Variants in SPECC1 observed in about 807,000 individuals in gnomAD.
SPECC1 encodes the protein cytospin-B.
A neutral mutation model predicts 104.1 loss-of-function variants in SPECC1; 62 were observed. That is an observed-to-expected ratio of 0.60 (90% CI 0.49 to 0.74). The LOEUF is 0.74. Among genes scored for constraint, SPECC1 ranks in the 30% least tolerant of loss-of-function variants. The pLI, the probability that SPECC1 is intolerant of heterozygous loss-of-function variation, is 0.00. For missense variants in SPECC1, 1,306 were observed against 1,310.5 expected, an observed-to-expected ratio of 1.00 and a Z score of 0.05; for synonymous variants, 513 against 501.6, an observed-to-expected ratio of 1.02 and a Z score of -0.30.
rs900883221 is a variant in SPECC1, at chr17:20,101,237, C to A, written c.147+4439C>A. On this transcript the variant is annotated intron_variant, in intron 2 of 14. Transcript: ENST00000395527. ...CTGGTTCTAGATCCTTGAGGAATCA[C>A]CACACTGTCTTCCACAATGGTTGAA... Among the ~76,000 whole-genome samples, 5 of 152,190 alleles carry A rather than the reference C, an allele frequency of 3.3e-5. 1 individual carries two copies. The highest frequency in any genetic ancestry group is 3.3e-4 in the Admixed American group (5 of 15,278).
rs1237791731 is a variant in SPECC1 at position 20,077,977 on chromosome 17, A to AAC, written c.-21-18641_-21-18640dup. Reference sequence around the variant, plus strand: ...AGTGAGGAAACAAAAGCTAAATTAAAACACACACACACACTGAAAAAGTAT... The same window carrying AAC: ...AGTGAGGAAACAAAAGCTAAATTAAAACACACACACACACACTGAAAAAGTAT... On this transcript the variant is annotated intron_variant, in intron 1 of 14. Coordinates refer to ENST00000395527, the MANE Select transcript of SPECC1 (RefSeq NM_001243439.2). Among the ~76,000 whole-genome samples the AAC allele has an allele frequency of 5.3e-5, 8 of 151,900 alleles. No homozygotes were observed. The East Asian group carries it at 5.8e-4, about 11-fold the overall frequency.
At chr17:20,303,962 A>T (rs1215697930) in intron 13 of SPECC1, among the ~76,000 whole-genome samples, 1 of 151,318 alleles carries the variant, frequency 6.6e-6, no homozygotes, top group Non-Finnish European at 1.5e-5. Flanking sequence ...CAAAAAAAAA[A>T]TTAAGAAATT....
chr17:20,190,394 G>GCTGCC (rs2035583293), intron 3 of SPECC1, among the ~76,000 whole-genome samples: 1 of 151,148 alleles, frequency 6.6e-6, no homozygotes, highest in Admixed American at 6.6e-5. Flanking sequence ...AAGCAAGACT[G>GCTGCC]CTGCTGCCCT....
At chr17:20,076,730 A>G (rs1404224115) in intron 1 of SPECC1, among the ~76,000 whole-genome samples, 1 of 152,162 alleles carries the variant, frequency 6.6e-6, no homozygotes, top group East Asian at 1.9e-4. Context: ...GGGCATGACC[A>G]TTTTAATGGT....
Position 20,317,284 on chromosome 17 carries a change from A to ATTTTTTTT in SPECC1, c.*3219_*3220insTTTTTTTT. On this transcript the variant is annotated 3_prime_UTR_variant, in exon 15 of 15. Transcript: ENST00000395527. ...ATTTTTTTTTTTTTTTTTTTTTGAG[A>ATTTTTTTT]GAGCGTCTCACTTCTCTGTCACCCA... The ATTTTTTTT allele has an allele frequency of 6.2e-5, 1 of 16,102 alleles. No homozygotes were observed. The highest frequency in any genetic ancestry group is 1.6e-3 in the African/African-American group (1 of 624). 1.0% of individuals were successfully genotyped at this position (16,102 alleles called of 1,614,324 possible).
At chr17:20,239,118 G>T in intron 7 of SPECC1, 1 of 1,020,476 alleles carries the variant, frequency 9.8e-7, no homozygotes, top group African/African-American at 1.9e-5. Flanking sequence ...TGCTAATTTT[G>T]CATAAATTTT....
At position 20,096,582 on chromosome 17, in the gene SPECC1, A is replaced by G. The variant is rs983053580; in HGVS notation, c.-21-49A>G. 4.5e-6 allele frequency: 7 copies of G among 1,552,032 alleles called. No homozygotes were observed. In the African/African-American group the frequency reaches 9.6e-5, roughly 21 times the overall value. Reference sequence around the variant, plus strand: ...GGTGTAAAGTGTGATGATGTCATGCAGCAGGTTCAAGTGATGGAGACATGT... The same window carrying G: ...GGTGTAAAGTGTGATGATGTCATGCGGCAGGTTCAAGTGATGGAGACATGT... On this transcript the variant is annotated intron_variant, in intron 1 of 14. Coordinates refer to ENST00000395527, the MANE Select transcript of SPECC1 (RefSeq NM_001243439.2).
chr17:20,154,148 CATTT>C (rs769881475), intron 3 of SPECC1, among the ~76,000 whole-genome samples: 16 of 152,314 alleles, frequency 1.1e-4, no homozygotes, highest in Non-Finnish European at 1.9e-4. Flanking sequence ...TTGGTTCATT[CATTT>C]GTTTTCATTC....
chr17:20,194,654 C>T (rs530846467), intron 3 of SPECC1, among the ~76,000 whole-genome samples: 6 of 151,406 alleles, frequency 4.0e-5, no homozygotes, highest in South Asian at 4.2e-4. Flanking sequence ...CTACAGGTGG[C>T]GCCACCACGC....
rs148424080 is a variant in SPECC1, at chr17:20,093,951, GA to G, written c.-21-2678del. ...TCACCATGTTGCCCAGGCTGGTCTC[GA>G]ACTCCTGAGCACAGGCAGTCCATCC... On this transcript the variant is annotated intron_variant, in intron 1 of 14. Coordinates refer to ENST00000395527, the MANE Select transcript of SPECC1 (RefSeq NM_001243439.2). Among the ~76,000 whole-genome samples, 622 of 151,750 alleles carry G rather than the reference GA, an allele frequency of 4.1e-3. 5 individuals carry two copies. The highest frequency in any genetic ancestry group is 0.014 in the African/African-American group (585 of 41,360).
At position 20,265,342 on chromosome 17, in the gene SPECC1, G is replaced by A. The variant is rs954533173; in HGVS notation, c.2940+5048G>A. On this transcript the variant is annotated intron_variant, in intron 12 of 14. Coordinates refer to ENST00000395527, the MANE Select transcript of SPECC1 (RefSeq NM_001243439.2). Reference sequence around the variant, plus strand: ...TGGTATCTCATTGTGGTTTTGATTCGTATTTCTTTGAAGATTAGGGATGTT... The same window carrying A: ...TGGTATCTCATTGTGGTTTTGATTCATATTTCTTTGAAGATTAGGGATGTT... Among the ~76,000 whole-genome samples, 7 of 152,118 alleles carry A rather than the reference G, an allele frequency of 4.6e-5. No homozygotes were observed. The East Asian group carries it at 1.3e-3, about 29-fold the overall frequency.
At chr17:20,132,625 C>A (rs1403779663) in intron 3 of SPECC1, among the ~76,000 whole-genome samples, 2 of 151,310 alleles carry the variant, frequency 1.3e-5, no homozygotes, top group Non-Finnish European at 2.9e-5. Context: ...TGTTATAGGG[C>A]TACTCATATT....
chr17:20,251,515 A>G (rs2039633961), intron 9 of SPECC1, among the ~76,000 whole-genome samples: 1 of 152,230 alleles, frequency 6.6e-6, no homozygotes, highest in African/African-American at 2.4e-5. Flanking sequence ...TGAAAACTGT[A>G]TACCACGACC....
chr17:20,057,334 G>A (rs947066998), intron 1 of SPECC1, among the ~76,000 whole-genome samples: 3 of 152,032 alleles, frequency 2.0e-5, no homozygotes, highest in Non-Finnish European at 2.9e-5. Context: ...CCAGCTACTC[G>A]GGAGGCTGAG....
chr17:20,016,233 A>G (rs1362548546), intron 1 of SPECC1, among the ~76,000 whole-genome samples: 1 of 151,544 alleles, frequency 6.6e-6, no homozygotes, highest in Non-Finnish European at 1.5e-5. Context: ...AAAAAAAAAA[A>G]AATAGGTAAG....
At chr17:20,100,193 G>T (rs1390270860) in intron 2 of SPECC1, among the ~76,000 whole-genome samples, 1 of 152,068 alleles carries the variant, frequency 6.6e-6, no homozygotes, top group East Asian at 1.9e-4. Context: ...TCCTCTCCAG[G>T]CCTGATTCTG....
chr17:20,124,692 C>T (rs1312901804), intron 3 of SPECC1, among the ~76,000 whole-genome samples: 1 of 152,176 alleles, frequency 6.6e-6, no homozygotes, highest in African/African-American at 2.4e-5. Context: ...AAGTTGAAAA[C>T]ACATTTAATG....
intron 4 of SPECC1, among the ~76,000 whole-genome samples, chr17:20,217,253 A>G (rs1175464161): frequency 6.6e-6 from 1 of 150,806 alleles, no homozygotes; most frequent in African/African-American, 2.4e-5. Context: ...TAAGGGTTTC[A>G]GTTTTTTTAT....
chr17:20,292,345 G>C (rs547521152), intron 12 of SPECC1, among the ~76,000 whole-genome samples: 5 of 150,716 alleles, frequency 3.3e-5, no homozygotes, highest in South Asian at 2.1e-4. Flanking sequence ...TTTTTTTTTG[G>C]GGGGGGGACG....
Sources: allele counts gnomAD v4.1 joint callset (sites outside exome capture counted in the v4.1 genomes callset), GRCh38; gene constraint gnomAD v4.1.1; transcripts MANE v1.5; gene names NCBI Gene and HGNC (gene_info 2026-07-23, HGNC 2026-07-21).